The following CDH13 variants were observed in gnomAD, a reference collection of about 807,000 sequenced individuals.
CDH13 encodes the protein cadherin 13.
A neutral mutation model predicts 63.8 loss-of-function variants in CDH13; 24 were observed. The observed-to-expected ratio is 0.38, with a 90% CI of 0.27 to 0.53. The LOEUF (loss-of-function observed/expected upper bound fraction) is 0.53. Among genes scored for constraint, CDH13 ranks in the 20% least tolerant of loss-of-function variants. The pLI is 0.85. For synonymous variants in CDH13, 503 were observed against 355.3 expected, an observed-to-expected ratio of 1.42 and a Z score of -4.67; for missense variants, 1,049 against 903.1, an observed-to-expected ratio of 1.16 and a Z score of -2.07.
At chr16:82,908,256 G>A (rs2041713989) in intron 2 of CDH13, among the ~76,000 whole-genome samples, 1 of 152,120 alleles carries the variant, frequency 6.6e-6, no homozygotes, top group African/African-American at 2.4e-5. Flanking sequence ...TAGAACCTGA[G>A]GGAGGAGGTG....
chr16:83,701,066 T>G (rs1906148126), intron 10 of CDH13, among the ~76,000 whole-genome samples: 1 of 152,196 alleles, frequency 6.6e-6, no homozygotes, highest in South Asian at 2.1e-4. Flanking sequence ...ACATTTTTCA[T>G]GTCACTACCT....
intron 7 of CDH13, among the ~76,000 whole-genome samples, chr16:83,599,871 C>T (rs1272778600): frequency 6.6e-6 from 1 of 152,136 alleles, no homozygotes; most frequent in African/African-American, 2.4e-5. Context: ...TAGACCTGTG[C>T]TGTCCAGGGT....
At chr16:83,763,317 C>G (rs902580830) in intron 11 of CDH13, among the ~76,000 whole-genome samples, 1 of 152,222 alleles carries the variant, frequency 6.6e-6, no homozygotes, top group African/African-American at 2.4e-5. Flanking sequence ...ATGTCCCAGC[C>G]TGTCTTCTCC....
intron 1 of CDH13, among the ~76,000 whole-genome samples, chr16:82,720,149 T>G (rs1335886863): frequency 6.6e-6 from 1 of 152,176 alleles, no homozygotes; most frequent in Non-Finnish European, 1.5e-5. Flanking sequence ...GCTCAATTTT[T>G]GGTGAATCAG....
chr16:83,029,154 C>T (rs1916080696), intron 2 of CDH13, among the ~76,000 whole-genome samples: 2 of 152,196 alleles, frequency 1.3e-5, no homozygotes, highest in South Asian at 4.1e-4. Context: ...TCTGCATTAT[C>T]CACTATTATT....
At chr16:82,778,112 C>G (rs1048890172) in intron 1 of CDH13, among the ~76,000 whole-genome samples, 3 of 152,174 alleles carry the variant, frequency 2.0e-5, no homozygotes, top group South Asian at 2.1e-4. Context: ...GCAGGGTTCA[C>G]TGGGAGCCAG....
chr16:82,705,642 GCTT>G (rs1290411658), intron 1 of CDH13, among the ~76,000 whole-genome samples: 5 of 152,040 alleles, frequency 3.3e-5, no homozygotes, highest in African/African-American at 1.2e-4. Flanking sequence ...ACACACGCCT[GCTT>G]CTTTCTTGCC....
chr16:83,358,410 C>T (rs1482469395), intron 6 of CDH13, among the ~76,000 whole-genome samples: 3 of 152,162 alleles, frequency 2.0e-5, no homozygotes, highest in Non-Finnish European at 4.4e-5. Context: ...GCTAGGAAGG[C>T]AGGACAAAAC....
chr16:82,810,753 AG>A (rs765922011), intron 1 of CDH13, among the ~76,000 whole-genome samples: 4 of 152,028 alleles, frequency 2.6e-5, no homozygotes, highest in Non-Finnish European at 5.9e-5. Flanking sequence ...AGAGCATAAG[AG>A]GGGAGAGAGA....
At chr16:83,064,927 A>G (rs2031873608) in intron 3 of CDH13, among the ~76,000 whole-genome samples, 1 of 152,146 alleles carries the variant, frequency 6.6e-6, no homozygotes, top group Admixed American at 6.5e-5. Context: ...TGTAGTCATC[A>G]TGCTGTGCAA....
chr16:83,346,289 G>T (rs1284098820), intron 6 of CDH13, among the ~76,000 whole-genome samples: 2 of 152,158 alleles, frequency 1.3e-5, no homozygotes, highest in Admixed American at 1.3e-4. Context: ...AATCCACGTG[G>T]CCCCTCTCTG....
At position 83,047,427 on chromosome 16, in the gene CDH13, TGTA is replaced by T. The variant is rs1429709307; in HGVS notation, c.366+15210_366+15212del. On this transcript the variant is annotated intron_variant, in intron 3 of 13. Transcript: ENST00000567109. The surrounding 1 kb of genome is among the most constrained non-coding windows in gnomAD (Gnocchi z 4.9). The stretch of plus-strand genomic sequence containing the variant: ...TGGCCCTTGTTAACAAAGCCTAGTC[TGTA>T]AGAGCGTGACCACCAGTCTTATTTA... Among the ~76,000 whole-genome samples, 5 of 152,308 alleles carry T rather than the reference TGTA, an allele frequency of 3.3e-5. No homozygotes were observed. Among genetic ancestry groups the T allele is most frequent in the African/African-American group, 1.2e-4 (5 of 41,566 alleles).
In CDH13 at chr16:82,627,100, C is replaced by A; in HGVS notation, c.8C>A (p.Pro3Gln). MQ[P>Q]RTPLVLCVLL... is the part of the protein sequence containing the mutation. ...CGCTTCTAGTCGGACAAAATGCAGC[C>A]GAGAACTCCGCTCGTTCTGTGCGTT... is the stretch of plus-strand genomic sequence containing the variant. The change falls in exon 1 of 14, where the codon CCG becomes CAG. Residue 3 changes from proline (P) to glutamine (Q), a missense_variant. Physicochemically the swap from Pro to Gln is moderately conservative, Grantham distance 76. Coordinates refer to ENST00000567109, the MANE Select transcript of CDH13 (RefSeq NM_001257.5). 6.2e-7 allele frequency: 1 copy of A among 1,604,394 alleles called. No individual in the cohort carries two copies. The highest frequency in any genetic ancestry group is 1.1e-5 in the South Asian group (1 of 89,018).
At chr16:83,162,792 G>C (rs2037503015) in intron 4 of CDH13, among the ~76,000 whole-genome samples, 1 of 152,072 alleles carries the variant, frequency 6.6e-6, no homozygotes, top group African/African-American at 2.4e-5. Flanking sequence ...AACTCCCCAG[G>C]TGATTTCAAC....
chr16:82,888,788 C>A (rs569091270), intron 2 of CDH13, among the ~76,000 whole-genome samples: 9 of 152,190 alleles, frequency 5.9e-5, no homozygotes, highest in Non-Finnish European at 8.8e-5. Context: ...ATGTAAACTT[C>A]GCAAGTAAAT....
chr16:83,197,968 G>C (rs150236360), intron 4 of CDH13, among the ~76,000 whole-genome samples: 1 of 152,180 alleles, frequency 6.6e-6, no homozygotes, highest in Admixed American at 6.5e-5. Context: ...TTTTGCAAAT[G>C]CATGTGCATC....
intron 5 of CDH13, among the ~76,000 whole-genome samples, chr16:83,280,799 A>T (rs1275645958): frequency 6.6e-6 from 1 of 152,230 alleles, no homozygotes; most frequent in Non-Finnish European, 1.5e-5. Flanking sequence ...ACACAAAAAC[A>T]TTACTCTTGG....
At chr16:83,690,280 A>T (rs1280264478) in intron 10 of CDH13, among the ~76,000 whole-genome samples, 1 of 152,240 alleles carries the variant, frequency 6.6e-6, no homozygotes, top group Non-Finnish European at 1.5e-5. Context: ...GTAACTGGTG[A>T]TTAATGCAAA....
chr16:82,700,891 A>G (rs1335642838), intron 1 of CDH13, among the ~76,000 whole-genome samples: 5 of 149,480 alleles, frequency 3.3e-5, no homozygotes, highest in African/African-American at 1.2e-4. Context: ...TCTACAAAGA[A>G]AAGGCCATGT....
Sources: allele counts gnomAD v4.1 joint callset (sites outside exome capture counted in the v4.1 genomes callset), GRCh38; gene constraint gnomAD v4.1.1; non-coding constraint Gnocchi (gnomAD v3.1); transcripts MANE v1.5; gene names NCBI Gene and HGNC (gene_info 2026-07-23, HGNC 2026-07-21).